CTNND1: variants seen among roughly 807,000 people sequenced by gnomAD.
CTNND1 encodes the protein catenin delta 1, also known as catenin delta-1.
Under a neutral mutation model 112.1 loss-of-function variants are expected in CTNND1, and 16 were observed. The ratio of observed to expected loss-of-function variants is 0.14; its 90% CI spans 0.10 to 0.22. The LOEUF is 0.22. Ranked by LOEUF, CTNND1 falls within the 10% of genes least tolerant of loss-of-function variation. The probability of loss-of-function intolerance (pLI) is 1.00; values close to 1 mark genes in which losing one functional copy is unlikely to be tolerated. For synonymous variants in CTNND1, 420 were observed against 446.5 expected, an observed-to-expected ratio of 0.94 and a Z score of 0.75; for missense variants, 1,008 against 1,257.0, an observed-to-expected ratio of 0.80 and a Z score of 3.00.
At chr11:57,803,861 T>G in intron 8 of CTNND1, 57 bp downstream of exon 8, 1 of 1,295,766 alleles carries the variant, frequency 7.7e-7, no homozygotes, top group Non-Finnish European at 1.0e-6. Context: ...GACTTAAATT[T>G]CCTAAAAAAA....
intron 4 of CTNND1, 44 bp from the exon 5 acceptor site, chr11:57,795,533 T>C (rs967213262): frequency 2.5e-6 from 4 of 1,570,848 alleles, no homozygotes; most frequent in Non-Finnish European, 2.6e-6. Flanking sequence ...TTGTTATACA[T>C]AGCACTTAAT....
At chr11:57,799,497 A>G (rs1379288689) in intron 6 of CTNND1, among the ~76,000 whole-genome samples, 1 of 152,206 alleles carries the variant, frequency 6.6e-6, no homozygotes, top group Non-Finnish European at 1.5e-5. Context: ...CCAGGCTAGA[A>G]GAGTAATACA....
intron 12 of CTNND1, 101 bp from the exon 13 acceptor site, chr11:57,808,064 A>C (rs993672992): frequency 3.9e-6 from 5 of 1,291,638 alleles, no homozygotes; most frequent in Non-Finnish European, 5.3e-6. Flanking sequence ...ATAGAAGCAT[A>C]AATCCATCAA....
At chr11:57,798,681 T>C (rs1033458407) in intron 6 of CTNND1, among the ~76,000 whole-genome samples, 1 of 152,202 alleles carries the variant, frequency 6.6e-6, no homozygotes, top group Non-Finnish European at 1.5e-5. Context: ...GAGTGATTGA[T>C]GTTTGGACTG....
intron 12 of CTNND1, among the ~76,000 whole-genome samples, chr11:57,807,789 G>C (rs1391586044): frequency 6.6e-6 from 1 of 152,006 alleles, no homozygotes; most frequent in Non-Finnish European, 1.5e-5. Context: ...AAGAATGACT[G>C]GGTTAAGTTA....
intron 1 of CTNND1, among the ~76,000 whole-genome samples, chr11:57,777,161 G>T (rs1346944736): frequency 6.6e-6 from 1 of 152,162 alleles, no homozygotes; most frequent in African/African-American, 2.4e-5. Context: ...GTTTGCAATG[G>T]CTGGGCTCTG....
intron 20 of CTNND1, 100 bp downstream of exon 20, chr11:57,816,101 G>A (rs2063945963): frequency 2.5e-6 from 3 of 1,196,668 alleles, no homozygotes; most frequent in Admixed American, 4.9e-5. Context: ...CAGAGACTAA[G>A]TAGTCTCAGC....
Position 57,804,790 on chromosome 11 carries a change from G to A in CTNND1, c.1722+10G>A. ...GGATTCAGACAGCAAGGTAAGTGCT[G>A]TCTTACCTTTAATGGCTGAGTGAAT... On this transcript the variant is annotated intron_variant, in intron 9 of 20. Coordinates refer to ENST00000399050, the MANE Select transcript of CTNND1 (RefSeq NM_001085458.2). The A allele has an allele frequency of 1.3e-6, 2 of 1,584,720 alleles. No individual in the cohort carries two copies. Among genetic ancestry groups the A allele is most frequent in the African/African-American group, 1.3e-5 (1 of 74,528 alleles).
Position 57,808,878 on chromosome 11 carries a change from AG to A in CTNND1, c.2242+339del, listed in dbSNP as rs374791904. On this transcript the variant is annotated intron_variant, in intron 14 of 20. Transcript: ENST00000399050. ...ATAGGATAAGGAAATAACTCATGGA[AG>A]TTAAGTAAATTGCCCAGAGTTAATG... 6.9e-4 allele frequency among the ~76,000 whole-genome samples: 105 copies of A among 152,360 alleles called. No individual in the cohort carries two copies. In the South Asian group the frequency reaches 0.021, roughly 30 times the overall value.
chr11:57,796,901 A>G lies in CTNND1; in HGVS notation c.865A>G (p.Met289Val), dbSNP rs1291422553. The stretch of plus-strand genomic sequence containing the variant: ...TGGGCTAGAGGATGACCAGCGTAGT[A>G]TGGGCTATGATGACCTGGATTATGG... The part of the protein sequence containing the change: ...PYGLEDDQRS[M>V]GYDDLDYGMM... Residue 289 changes from methionine (M) to valine (V), a missense_variant, in exon 6 of 21, where the codon ATG becomes GTG. Met to Val is a conservative substitution (Grantham distance 21). Transcript: ENST00000399050. 6 of 1,597,072 alleles carry G rather than the reference A, an allele frequency of 3.8e-6. No homozygotes were observed. The highest frequency in any genetic ancestry group is 5.1e-6 in the Non-Finnish European group (6 of 1,168,550).
At chr11:57,795,858 C>G (rs2061305377) in intron 5 of CTNND1, 129 bp downstream of exon 5, 1 of 1,009,316 alleles carries the variant, frequency 9.9e-7, no homozygotes, top group East Asian at 2.7e-5. Flanking sequence ...ATGAAGTGAT[C>G]TCTGGCCAGA....
intron 2 of CTNND1, among the ~76,000 whole-genome samples, chr11:57,790,042 T>C (rs991397887): frequency 6.6e-6 from 1 of 152,128 alleles, no homozygotes; most frequent in Admixed American, 6.6e-5. Flanking sequence ...TAACAAACTA[T>C]AGTAGTATAG....
intron 17 of CTNND1, among the ~76,000 whole-genome samples, chr11:57,812,108 T>C (rs751034652): frequency 8.5e-5 from 13 of 152,226 alleles, no homozygotes; most frequent in Admixed American, 5.2e-4. Context: ...GCAGTGATGC[T>C]TCTTGCTGGT....
At chr11:57,771,046 A>G (rs1403219140) in intron 1 of CTNND1, among the ~76,000 whole-genome samples, 2 of 152,162 alleles carry the variant, frequency 1.3e-5, no homozygotes, top group Non-Finnish European at 2.9e-5. Flanking sequence ...AGGTCAGCCA[A>G]ATAGGCAGGT....
At chr11:57,772,651 A>G (rs188376763) in intron 1 of CTNND1, among the ~76,000 whole-genome samples, 1 of 152,348 alleles carries the variant, frequency 6.6e-6, no homozygotes, top group East Asian at 1.9e-4. Context: ...AGCACCAACT[A>G]TTTAGTGATT....
At chr11:57,778,905 G>C (rs1185700317) in intron 1 of CTNND1, among the ~76,000 whole-genome samples, 1 of 152,182 alleles carries the variant, frequency 6.6e-6, no homozygotes, top group East Asian at 1.9e-4. Flanking sequence ...AATGGGTCTC[G>C]GAGCATCTAG....
At position 57,810,186 on chromosome 11, in the gene CTNND1, C is replaced by T; in HGVS notation, c.2513C>T (p.Pro838Leu). The change falls in exon 16 of 21, where the codon CCA becomes CTA. Residue 838 changes from proline (P) to leucine (L), a missense_variant. This residue lies in a region of CTNND1 where 28 missense variants were observed against 60.6 expected (regional missense o/e 0.46). Coordinates refer to ENST00000399050, the MANE Select transcript of CTNND1 (RefSeq NM_001085458.2). ...TGGGGATATAAGGAACTGCGGAAGC[C>T]ACTGGAAAAAGAAGGATGGAAGAAA... ...TIWGYKELRK[P>L]LEKEGWKKSD... The T allele has an allele frequency of 6.2e-7, 1 of 1,611,548 alleles. No homozygotes were observed. Among genetic ancestry groups the T allele is most frequent in the Non-Finnish European group, 8.5e-7 (1 of 1,178,932 alleles).
At chr11:57,803,562 G>T in intron 7 of CTNND1, 59 bp from the exon 8 acceptor site, 2 of 1,345,768 alleles carry the variant, frequency 1.5e-6, no homozygotes, top group Non-Finnish European at 2.0e-6. Flanking sequence ...TCTCTTTGAC[G>T]TTCTTCAGAC....
intron 1 of CTNND1, among the ~76,000 whole-genome samples, chr11:57,779,690 A>G (rs1404133872): frequency 1.3e-5 from 2 of 152,184 alleles, no homozygotes; most frequent in Non-Finnish European, 2.9e-5. Flanking sequence ...GAGATGTCAC[A>G]TTAAAAATGA....
Sources: allele counts gnomAD v4.1 joint callset (sites outside exome capture counted in the v4.1 genomes callset), GRCh38; gene constraint gnomAD v4.1.1; regional missense constraint gnomAD v4.1.1; transcripts MANE v1.5; gene names NCBI Gene and HGNC (gene_info 2026-07-23, HGNC 2026-07-21).